FAM229B: variants seen among roughly 807,000 people sequenced by gnomAD.
FAM229B encodes family with sequence similarity 229 member B.
In FAM229B, 2 loss-of-function variants were observed where a neutral mutation model predicts 6.7. The ratio of observed to expected loss-of-function variants is 0.30; its 90% CI spans 0.12 to 0.94. FAM229B has a LOEUF of 0.94. FAM229B is among the 40% of genes least tolerant of loss of function. The pLI is 0.54. For synonymous variants in FAM229B, 29 were observed against 34.0 expected (o/e 0.85, Z 0.51); for missense variants, 93 against 96.2 (o/e 0.97, Z 0.14).
intron 1 of FAM229B, among the ~76,000 whole-genome samples, chr6:112,089,246 G>A (rs587756244): frequency 3.3e-4 from 50 of 152,138 alleles, no homozygotes; most frequent in Non-Finnish European, 5.7e-4. Flanking sequence ...AAATTATTGG[G>A]AATCCTATGG....
intron 1 of FAM229B, among the ~76,000 whole-genome samples, chr6:112,091,106 T>C (rs1417462763): frequency 6.6e-6 from 1 of 152,158 alleles, no homozygotes; most frequent in East Asian, 1.9e-4. Flanking sequence ...GTGGAGTGTT[T>C]CTCTTTCTGT....
chr6:112,097,331 T>C (rs1389287822), intron 2 of FAM229B, 130 bp downstream of exon 2: 1 of 152,244 alleles, frequency 6.6e-6, no homozygotes, highest in African/African-American at 2.4e-5. Context: ...TTTCTTGATA[T>C]TGAGACAGTC....
chr6:112,090,577 C>G (rs1274130734), intron 1 of FAM229B, among the ~76,000 whole-genome samples: 1 of 151,942 alleles, frequency 6.6e-6, no homozygotes, highest in Non-Finnish European at 1.5e-5. Flanking sequence ...ACAATCAACC[C>G]CAAAATCTCA....
At chr6:112,093,945 TAAACAA>T (rs587750272) in intron 1 of FAM229B, among the ~76,000 whole-genome samples, 296 of 152,078 alleles carry the variant, frequency 1.9e-3, no homozygotes, top group African/African-American at 6.7e-3. Flanking sequence ...ATTGGAAAAT[TAAACAA>T]TATAATTGTA....
chr6:112,099,560 CT>C, intron 3 of FAM229B, 152 bp downstream of exon 3: 1 of 675,628 alleles, frequency 1.5e-6, no homozygotes, highest in Non-Finnish European at 2.3e-6. Context: ...CCCAGTTTTC[CT>C]TAGTGTAGAG....
intron 1 of FAM229B, among the ~76,000 whole-genome samples, chr6:112,095,744 C>T (rs781924093): frequency 1.3e-5 from 2 of 148,404 alleles, no homozygotes; most frequent in Non-Finnish European, 3.0e-5. Context: ...GCTACCACCT[C>T]TCAAACATGT....
intron 3 of FAM229B, 98 bp downstream of exon 3, chr6:112,099,506 C>T: frequency 1.7e-6 from 2 of 1,198,786 alleles, no homozygotes; most frequent in Non-Finnish European, 2.3e-6. Flanking sequence ...AAACTCTCAG[C>T]AATTCAAAAA....
chr6:112,089,242 T>C (rs1354021374), intron 1 of FAM229B, among the ~76,000 whole-genome samples: 4 of 151,782 alleles, frequency 2.6e-5, no homozygotes, highest in Non-Finnish European at 2.9e-5. Flanking sequence ...AAAAAAATTA[T>C]TGGGAATCCT....
intron 1 of FAM229B, among the ~76,000 whole-genome samples, chr6:112,088,930 C>G (rs1777218210): frequency 6.6e-6 from 1 of 152,088 alleles, no homozygotes; most frequent in Non-Finnish European, 1.5e-5. Flanking sequence ...AAGAAAAGTC[C>G]TAACACATCT....
At chr6:112,089,853 T>C (rs1554318008) in intron 1 of FAM229B, among the ~76,000 whole-genome samples, 1 of 150,962 alleles carries the variant, frequency 6.6e-6, no homozygotes. Context: ...GAGGAAAAAA[T>C]GTACTTGATA....
chr6:112,098,769 C>T (rs1554318917), intron 2 of FAM229B, among the ~76,000 whole-genome samples: 1 of 152,132 alleles, frequency 6.6e-6, no homozygotes, highest in African/African-American at 2.4e-5. Flanking sequence ...TTGCAACAAC[C>T]ATTTAAAGGC....
At chr6:112,092,806 A>T (rs1444368223) in intron 1 of FAM229B, among the ~76,000 whole-genome samples, 1 of 151,998 alleles carries the variant, frequency 6.6e-6, no homozygotes, top group Non-Finnish European at 1.5e-5. Context: ...GTATATGTGA[A>T]GTGGTATAAT....
rs1777365455 is a variant in FAM229B at position 112,099,320 on chromosome 6, C to T, written c.37C>T (p.Pro13Ser). ...ATTTGGAACCCAGCCAAGGAGGTTT[C>T]CAGTGGAAGGAGGAGATTCTTCAAT... ...FQFGTQPRRF[P>S]VEGGDSSIEL... is the part of the protein sequence containing the mutation. Residue 13 changes from proline to serine, a missense_variant, in exon 3 of 4, where the codon CCA (proline) becomes TCA (serine). Pro to Ser is a moderately conservative substitution (Grantham distance 74, BLOSUM62 -1). Coordinates refer to ENST00000368656, the MANE Select transcript of FAM229B (RefSeq NM_001033564.3). The T allele has an allele frequency of 6.2e-7, 1 of 1,613,618 alleles. No individual in the cohort carries two copies. The highest frequency in any genetic ancestry group is 1.1e-5 in the South Asian group (1 of 91,060).
intron 3 of FAM229B, among the ~76,000 whole-genome samples, chr6:112,100,147 G>A (rs1191900346): frequency 3.3e-5 from 5 of 152,212 alleles, no homozygotes; most frequent in Admixed American, 6.5e-5. Context: ...TGGTGGGAAT[G>A]TTGGAAAGGA....
intron 1 of FAM229B, among the ~76,000 whole-genome samples, chr6:112,091,616 A>G (rs782427039): frequency 3.3e-5 from 5 of 152,172 alleles, no homozygotes; most frequent in Non-Finnish European, 7.4e-5. Context: ...GTGTCCCAGA[A>G]CAAAACTTAA....
At chr6:112,095,542 G>T (rs996758376) in intron 1 of FAM229B, among the ~76,000 whole-genome samples, 8 of 149,680 alleles carry the variant, frequency 5.3e-5, no homozygotes, top group African/African-American at 2.0e-4. Flanking sequence ...TGAGGCAGGA[G>T]GATTGCTTGA....
rs1554319210 is a variant in FAM229B at position 112,100,816 on chromosome 6, C to G, written c.*29C>G. 1 of 1,532,924 alleles carries G rather than the reference C, an allele frequency of 6.5e-7. No individual in the cohort carries two copies. Among genetic ancestry groups the G allele is most frequent in the Non-Finnish European group, 9.0e-7 (1 of 1,106,476 alleles). The allele number at this position is 1,532,924 out of a possible 1,614,324, so 95.0% of individuals were successfully genotyped here. A position where few individuals can be genotyped will look rare whatever the true frequency, so the allele number is the denominator to read the frequency against. On this transcript the variant is annotated 3_prime_UTR_variant, in exon 4 of 4. Coordinates refer to ENST00000368656, the MANE Select transcript of FAM229B (RefSeq NM_001033564.3). ...CATTAAGTCTTTTGTCAAGGTCTGACTAGGTCAAGGGTAATGGACCAGTAT... is the reference window on the plus strand; with the variant it reads ...CATTAAGTCTTTTGTCAAGGTCTGAGTAGGTCAAGGGTAATGGACCAGTAT...
At position 112,101,908 on chromosome 6, in the gene FAM229B, G is replaced by C. The variant is rs1189502588; in HGVS notation, c.*1121G>C. ...CTGGGAGAAGTTTGAATGCCAACCA[G>C]TTAAAGTGGAAAGATCTTGAACATG... On this transcript the variant is annotated 3_prime_UTR_variant, in exon 4 of 4. Transcript: ENST00000368656. The C allele has an allele frequency of 6.6e-6, 1 of 152,148 alleles. No individual in the cohort carries two copies. Among genetic ancestry groups the C allele is most frequent in the African/African-American group, 2.4e-5 (1 of 41,430 alleles). 9.4% of individuals were successfully genotyped at this position (152,148 alleles called of 1,614,324 possible).
intron 2 of FAM229B, among the ~76,000 whole-genome samples, chr6:112,098,216 G>T (rs1777351888): frequency 1.3e-5 from 2 of 152,170 alleles, no homozygotes; most frequent in Non-Finnish European, 2.9e-5. Flanking sequence ...GGTTATAAAA[G>T]TAAGTTATAG....
Sources: allele counts gnomAD v4.1 joint callset (sites outside exome capture counted in the v4.1 genomes callset), GRCh38; gene constraint gnomAD v4.1.1; transcripts MANE v1.5; gene names NCBI Gene and HGNC (gene_info 2026-07-23, HGNC 2026-07-21).